KIAA1549L: variants seen among roughly 807,000 people sequenced by gnomAD.
KIAA1549L encodes KIAA1549 like.
Under a neutral mutation model 160.7 loss-of-function variants are expected in KIAA1549L, and 88 were observed. The observed-to-expected ratio is 0.55, with a 90% CI of 0.46 to 0.65. KIAA1549L has a LOEUF of 0.65. KIAA1549L is among the 30% of genes least tolerant of loss of function. KIAA1549L has a pLI of 0.00. For synonymous variants in KIAA1549L, 950 were observed against 976.7 expected, an observed-to-expected ratio of 0.97 and a Z score of 0.51; for missense variants, 2,258 against 2,437.5, an observed-to-expected ratio of 0.93 and a Z score of 1.55.
chr11:33,623,220 G>T (rs1273355841), intron 16 of KIAA1549L, among the ~76,000 whole-genome samples: 1 of 152,166 alleles, frequency 6.6e-6, no homozygotes, highest in Non-Finnish European at 1.5e-5. Flanking sequence ...TAATGGAGTG[G>T]TCCCAATTAA....
At chr11:33,439,482 A>G (rs1851449400) in intron 1 of KIAA1549L, among the ~76,000 whole-genome samples, 1 of 151,420 alleles carries the variant, frequency 6.6e-6, no homozygotes, top group African/African-American at 2.4e-5. Flanking sequence ...AGCTCACTGC[A>G]AGCTCCGCCT....
rs542025880 is a variant in KIAA1549L at position 33,377,088 on chromosome 11, C to T, written c.238+199C>T. On this transcript the variant is annotated intron_variant, in intron 1 of 20. Transcript: ENST00000658780. ...GGAAGAAAAAAAAAGGAGCAATCGC[C>T]TCTTCTTTTTGGACAAGTTGTAGAA... Among the ~76,000 whole-genome samples the T allele has an allele frequency of 1.7e-3, 264 of 152,308 alleles. 1 individual carries two copies. Among genetic ancestry groups the T allele is most frequent in the South Asian group, 0.012 (59 of 4,834 alleles).
At chr11:33,664,405 G>A (rs562891561) in intron 20 of KIAA1549L, among the ~76,000 whole-genome samples, 30 of 152,268 alleles carry the variant, frequency 2.0e-4, no homozygotes, top group African/African-American at 5.8e-4. Context: ...AGGGATCACC[G>A]GAACATCCAG....
chr11:33,399,492 C>A (rs1354084756), intron 1 of KIAA1549L, among the ~76,000 whole-genome samples: 2 of 152,158 alleles, frequency 1.3e-5, no homozygotes, highest in Non-Finnish European at 2.9e-5. Context: ...TCTTCTAAGT[C>A]CCCAAGCTTT....
chr11:33,630,009 A>G (rs1317984807), intron 16 of KIAA1549L, among the ~76,000 whole-genome samples: 1 of 152,058 alleles, frequency 6.6e-6, no homozygotes, highest in Non-Finnish European at 1.5e-5. Context: ...TCTAACAGAC[A>G]GGACGCTCAG....
At chr11:33,599,054 AC>A in intron 13 of KIAA1549L, 107 bp downstream of exon 13, 1 of 1,332,208 alleles carries the variant, frequency 7.5e-7, no homozygotes, top group Non-Finnish European at 1.0e-6. Context: ...CTGGGCTCTG[AC>A]CCTCAGTCGT....
intron 10 of KIAA1549L, among the ~76,000 whole-genome samples, chr11:33,578,385 C>A (rs1294351955): frequency 1.3e-5 from 2 of 152,152 alleles, no homozygotes; most frequent in African/African-American, 2.4e-5. Context: ...TCCTTCAAAT[C>A]CACTCAGTCC....
chr11:33,591,444 C>T lies in KIAA1549L; in HGVS notation c.4751+23C>T, dbSNP rs778145603. The T allele has an allele frequency of 9.0e-6, 14 of 1,562,210 alleles. No homozygotes were observed. In the South Asian group the frequency reaches 1.6e-4, roughly 18 times the overall value. Reference sequence around the variant, plus strand: ...GAGGTAGGCACGGGGCTGACTTCTGCCTCTCTGTGTCAGCAAGAGAATAAT... The same window carrying T: ...GAGGTAGGCACGGGGCTGACTTCTGTCTCTCTGTGTCAGCAAGAGAATAAT... On this transcript the variant is annotated intron_variant, in intron 12 of 20. Coordinates refer to ENST00000658780, the MANE Select transcript of KIAA1549L (RefSeq NM_012194.3).
chr11:33,656,948 G>T (rs1037713371), intron 18 of KIAA1549L, among the ~76,000 whole-genome samples: 1 of 152,152 alleles, frequency 6.6e-6, no homozygotes, highest in Admixed American at 6.5e-5. Context: ...AGTTGGCCTT[G>T]CCCCTCCAGC....
At position 33,664,750 on chromosome 11, in the gene KIAA1549L, G is replaced by A. The variant is rs114234060; in HGVS notation, c.6160-3123G>A. Among the ~76,000 whole-genome samples, 1,488 of 152,280 alleles carry A rather than the reference G, an allele frequency of 9.8e-3. 28 individuals carry two copies. The highest frequency in any genetic ancestry group is 0.034 in the African/African-American group (1,425 of 41,524). The stretch of plus-strand genomic sequence containing the variant: ...CAGAATCTGCCGGCACTTTGATCTC[G>A]GACTTTGCAGCCTCTAGAACTGTGA... On this transcript the variant is annotated intron_variant, in intron 20 of 20. Transcript: ENST00000658780.
intron 16 of KIAA1549L, among the ~76,000 whole-genome samples, chr11:33,620,220 T>C (rs1195004277): frequency 6.6e-6 from 1 of 152,238 alleles, no homozygotes; most frequent in African/African-American, 2.4e-5. Context: ...AAGAGACAGA[T>C]AATTTTTAGG....
At chr11:33,505,952 A>G (rs1055198851) in intron 1 of KIAA1549L, among the ~76,000 whole-genome samples, 7 of 152,256 alleles carry the variant, frequency 4.6e-5, no homozygotes, top group African/African-American at 1.4e-4. Flanking sequence ...TAAATTATGT[A>G]TATCATATGG....
rs1292556968 is a variant in KIAA1549L at position 33,393,913 on chromosome 11, T to C, written c.238+17024T>C. ...AAGGAAGGAAGAGAATCTCCTGGTA[T>C]GTTCTCACAGTACCTCTGAAAACCT... is the stretch of plus-strand genomic sequence containing the variant. On this transcript the variant is annotated intron_variant, in intron 1 of 20. Transcript: ENST00000658780. Among the ~76,000 whole-genome samples, 6 of 152,240 alleles carry C rather than the reference T, an allele frequency of 3.9e-5. No homozygotes were observed. In the East Asian group the frequency reaches 1.2e-3, roughly 29 times the overall value.
chr11:33,633,018 C>T (rs1019234499), intron 16 of KIAA1549L, among the ~76,000 whole-genome samples: 7 of 151,928 alleles, frequency 4.6e-5, no homozygotes, highest in African/African-American at 1.7e-4. Flanking sequence ...TCTTGTTGCC[C>T]AGGCTGGAGT....
intron 1 of KIAA1549L, among the ~76,000 whole-genome samples, chr11:33,449,883 G>C (rs1590253716): frequency 6.6e-6 from 1 of 152,290 alleles, no homozygotes; most frequent in East Asian, 1.9e-4. Context: ...CCAGCTCACC[G>C]ATTTTTAACT....
chr11:33,531,186 CAG>C (rs373306856), intron 1 of KIAA1549L, among the ~76,000 whole-genome samples: 35 of 151,892 alleles, frequency 2.3e-4, no homozygotes, highest in African/African-American at 7.5e-4. Flanking sequence ...AATGGGGAGG[CAG>C]AGAGGCCAGT....
intron 1 of KIAA1549L, among the ~76,000 whole-genome samples, chr11:33,473,989 C>T (rs1852234733): frequency 6.6e-6 from 1 of 152,118 alleles, no homozygotes; most frequent in African/African-American, 2.4e-5. Context: ...AAGAAGCCTT[C>T]TATCATGGAG....
chr11:33,534,940 A>G (rs1203936585), intron 1 of KIAA1549L, among the ~76,000 whole-genome samples: 1 of 152,164 alleles, frequency 6.6e-6, no homozygotes, highest in Non-Finnish European at 1.5e-5. Context: ...AAATCCCCAC[A>G]AGCTTTGTGG....
rs1032299079 is a variant in KIAA1549L at position 33,668,629 on chromosome 11, A to G, written c.*475A>G. ...TTCTCATTCAACCATGACCGTGCGCATTAAAATCAGTTTGTAAGGGAGACA... is the reference window on the plus strand; with the variant it reads ...TTCTCATTCAACCATGACCGTGCGCGTTAAAATCAGTTTGTAAGGGAGACA... On this transcript the variant is annotated 3_prime_UTR_variant, in exon 21 of 21. Transcript: ENST00000658780. The G allele has an allele frequency of 6.2e-6, 1 of 160,592 alleles. No homozygotes were observed. 9.9% of individuals were successfully genotyped at this position (160,592 alleles called of 1,614,324 possible).
Sources: allele counts gnomAD v4.1 joint callset (sites outside exome capture counted in the v4.1 genomes callset), GRCh38; gene constraint gnomAD v4.1.1; transcripts MANE v1.5; gene names NCBI Gene and HGNC (gene_info 2026-07-23, HGNC 2026-07-21).